The following MMP26 variants were observed in gnomAD, a reference collection of about 807,000 sequenced individuals.
The protein encoded by MMP26 is matrix metalloproteinase-26.
In MMP26, 33 loss-of-function variants were observed where a neutral mutation model predicts 31.0. The observed-to-expected ratio is 1.06, with a 90% confidence interval of 0.81 to 1.42. MMP26 has a LOEUF of 1.42. Ranked by LOEUF, MMP26 falls within the 40% of genes most tolerant of loss-of-function variation. The pLI is 0.00. For missense variants in MMP26, 347 were observed against 316.1 expected, an observed-to-expected ratio of 1.10 and a Z score of -0.74; for synonymous variants, 122 against 114.9, an observed-to-expected ratio of 1.06 and a Z score of -0.40.
chr11:4,766,773 G>A (rs187212334), intron 1 of MMP26, among the ~76,000 whole-genome samples: 6 of 119,854 alleles, frequency 5.0e-5, no homozygotes, highest in Non-Finnish European at 8.0e-5. Context: ...TTCCTCCCAC[G>A]GTTTCTCTCT....
intron 2 of MMP26, chr11:4,943,606 G>GAC: frequency 2.5e-6 from 1 of 392,978 alleles, no homozygotes; most frequent in Admixed American, 2.9e-5. Context: ...GGAAGTCAGT[G>GAC]ACACACCCAC....
chr11:4,956,948 T>G (rs1846452414), intron 2 of MMP26, among the ~76,000 whole-genome samples: 1 of 152,204 alleles, frequency 6.6e-6, no homozygotes, highest in Non-Finnish European at 1.5e-5. Flanking sequence ...ATCTTGAAAT[T>G]TTTTAAATAA....
chr11:4,966,781 G>T (rs1368872312), intron 2 of MMP26, among the ~76,000 whole-genome samples: 1 of 152,126 alleles, frequency 6.6e-6, no homozygotes, highest in East Asian at 1.9e-4. Flanking sequence ...TTGAGACTTT[G>T]TAGTCAAGGA....
intron 2 of MMP26, among the ~76,000 whole-genome samples, chr11:4,835,850 T>C (rs1044102318): frequency 1.3e-5 from 2 of 152,178 alleles, no homozygotes; most frequent in Non-Finnish European, 2.9e-5. Context: ...AGTTTAAATA[T>C]AGTTACTGTT....
intron 2 of MMP26, among the ~76,000 whole-genome samples, chr11:4,955,914 TTAGAG>T (rs1846436863): frequency 6.6e-6 from 1 of 152,208 alleles, no homozygotes; most frequent in Non-Finnish European, 1.5e-5. Context: ...GGGTAATACT[TTAGAG>T]TAGAATCTGT....
intron 2 of MMP26, among the ~76,000 whole-genome samples, chr11:4,834,512 G>A (rs1849689816): frequency 1.3e-5 from 2 of 152,304 alleles, no homozygotes; most frequent in South Asian, 4.1e-4. Context: ...AAGATATAGT[G>A]TAACTCTAGG....
intron 2 of MMP26, among the ~76,000 whole-genome samples, chr11:4,783,157 G>C (rs1848888057): frequency 6.6e-6 from 1 of 152,216 alleles, no homozygotes; most frequent in African/African-American, 2.4e-5. Context: ...CTTGCACCGT[G>C]CTCCTGGAAA....
chr11:4,801,039 G>A (rs1849174074), intron 2 of MMP26, among the ~76,000 whole-genome samples: 1 of 152,002 alleles, frequency 6.6e-6, no homozygotes, highest in Non-Finnish European at 1.5e-5. Flanking sequence ...AGTTCATGTG[G>A]ACTTAGTTCA....
At chr11:4,946,160 T>C in intron 2 of MMP26, 1 of 1,613,494 alleles carries the variant, frequency 6.2e-7, no homozygotes, top group Non-Finnish European at 8.5e-7. Flanking sequence ...ATATGACTGT[T>C]AAATCTTCCG....
chr11:4,932,226 A>G (rs1297327668), intron 2 of MMP26, among the ~76,000 whole-genome samples: 9 of 152,098 alleles, frequency 5.9e-5, no homozygotes, highest in African/African-American at 9.7e-5. Context: ...CTAAATAATC[A>G]TTCTGGTCTG....
chr11:4,806,955 C>T (rs1319410095), intron 2 of MMP26, among the ~76,000 whole-genome samples: 3 of 152,048 alleles, frequency 2.0e-5, no homozygotes, highest in Non-Finnish European at 4.4e-5. Flanking sequence ...GGGACAGTCC[C>T]CCAGCTTCAG....
At chr11:4,832,873 C>T in intron 2 of MMP26, 1 of 196,048 alleles carries the variant, frequency 5.1e-6, no homozygotes, top group Non-Finnish European at 1.1e-5. Flanking sequence ...CATATCTGTG[C>T]TGTACTCGTC....
intron 2 of MMP26, among the ~76,000 whole-genome samples, chr11:4,844,125 T>C (rs1437264267): frequency 1.3e-5 from 2 of 152,092 alleles, no homozygotes; most frequent in South Asian, 2.1e-4. Context: ...TAAAGGATAA[T>C]GGCTATCACG....
intron 2 of MMP26, among the ~76,000 whole-genome samples, chr11:4,798,134 T>G (rs1034436170): frequency 6.6e-6 from 1 of 152,226 alleles, no homozygotes; most frequent in African/African-American, 2.4e-5. Flanking sequence ...CGGCCCATAC[T>G]TAAGATAGAC....
intron 2 of MMP26, among the ~76,000 whole-genome samples, chr11:4,900,270 A>G (rs1439744478): frequency 1.3e-5 from 2 of 152,188 alleles, no homozygotes; most frequent in Non-Finnish European, 2.9e-5. Context: ...CTGAGATACT[A>G]GGTTTGGCTA....
intron 2 of MMP26, among the ~76,000 whole-genome samples, chr11:4,926,234 G>A (rs1002931791): frequency 6.6e-6 from 1 of 151,628 alleles, no homozygotes; most frequent in Non-Finnish European, 1.5e-5. Context: ...CAAAAAAAAG[G>A]GATATAAAGA....
intron 2 of MMP26, among the ~76,000 whole-genome samples, chr11:4,801,020 T>G (rs1328166984): frequency 6.6e-6 from 1 of 152,214 alleles, no homozygotes; most frequent in Non-Finnish European, 1.5e-5. Context: ...ATTTCTTCAC[T>G]TCACTTCAAG....
At chr11:4,817,711 G>A (rs1849440470) in intron 2 of MMP26, among the ~76,000 whole-genome samples, 1 of 152,188 alleles carries the variant, frequency 6.6e-6, no homozygotes, top group South Asian at 2.1e-4. Flanking sequence ...AAAGGAAGCT[G>A]TAAACATATT....
chr11:4,729,284 G>A (rs1848141927), intron 1 of MMP26, among the ~76,000 whole-genome samples: 1 of 152,126 alleles, frequency 6.6e-6, no homozygotes, highest in South Asian at 2.1e-4. Flanking sequence ...CTTATGTGAT[G>A]GAGAATCCTG....
Sources: allele counts gnomAD v4.1 joint callset (sites outside exome capture counted in the v4.1 genomes callset), GRCh38; gene constraint gnomAD v4.1.1; transcripts MANE v1.5; gene names NCBI Gene and HGNC (gene_info 2026-07-23, HGNC 2026-07-21).